COL4A4: variants seen among roughly 807,000 people sequenced by gnomAD.
COL4A4 encodes collagen type IV alpha 4 chain.
In COL4A4, 105 loss-of-function variants were observed where a neutral mutation model predicts 192.9. That is an observed-to-expected ratio of 0.54 (90% CI 0.46 to 0.64). The LOEUF (loss-of-function observed/expected upper bound fraction) is 0.64. Among genes scored for constraint, COL4A4 ranks in the 30% least tolerant of loss-of-function variants. The pLI is 0.00. For synonymous variants in COL4A4, 762 were observed against 769.9 expected (o/e 0.99, Z 0.17); for missense variants, 1,967 against 2,169.3 (o/e 0.91, Z 1.85).
At chr2:227,089,587 C>CGATATATATATATA (rs1284003513) in intron 21 of COL4A4, among the ~76,000 whole-genome samples, 1 of 62,098 alleles carries the variant, frequency 1.6e-5, no homozygotes, top group East Asian at 4.5e-4. Flanking sequence ...GGCAAATGTT[C>CGATATATATATATA]CATATATATA....
chr2:226,997,597 T>C, the COL4A4 span: 1 of 152,148 alleles, frequency 6.6e-6, no homozygotes, highest in South Asian at 2.1e-4. Flanking sequence ...GTATTAAGAG[T>C]CCAGTCACTG....
At chr2:226,997,743 G>C (rs142642955), downstream of COL4A4, 312 of 152,340 alleles carry the variant, frequency 2.0e-3, 2 homozygotes, top group African/African-American at 7.3e-3. Context: ...ACGCATGGCT[G>C]TTGATGGAGT....
intron 7 of COL4A4, among the ~76,000 whole-genome samples, chr2:227,116,997 A>G (rs1045220652): frequency 6.6e-6 from 1 of 152,264 alleles, no homozygotes; most frequent in African/African-American, 2.4e-5. Context: ...ATTACAGTAT[A>G]TTAAAGAAAT....
At chr2:227,018,161 T>G (rs971793233) in intron 44 of COL4A4, among the ~76,000 whole-genome samples, 1 of 152,146 alleles carries the variant, frequency 6.6e-6, no homozygotes, top group East Asian at 1.9e-4. Context: ...CTTGCTGGGG[T>G]CCTAGCTGTC....
intron 34 of COL4A4, 90 bp from the exon 35 acceptor site, chr2:227,047,639 C>A: frequency 2.5e-6 from 2 of 789,070 alleles, no homozygotes; most frequent in Non-Finnish European, 4.4e-6. Flanking sequence ...ATTTGTATAG[C>A]TTATCTTCAG....
the COL4A4 span, among the ~76,000 whole-genome samples, chr2:226,977,632 A>G: frequency 1.7e-3 from 255 of 152,322 alleles, no homozygotes; most frequent in African/African-American, 6.0e-3. Context: ...GAGAAGCATA[A>G]TAGTTGTCAT....
At chr2:226,989,992 C>G in the COL4A4 span, among the ~76,000 whole-genome samples, 2 of 152,294 alleles carry the variant, frequency 1.3e-5, no homozygotes, top group Middle Eastern at 6.8e-3. Flanking sequence ...CGAATGTTTT[C>G]TCTCTAAAGT....
intron 7 of COL4A4, among the ~76,000 whole-genome samples, chr2:227,115,500 C>T (rs944266361): frequency 1.3e-5 from 2 of 152,000 alleles, no homozygotes; most frequent in African/African-American, 2.4e-5. Flanking sequence ...TCTCAATCTC[C>T]TGACCTCGTG....
At chr2:226,993,344 C>T in the COL4A4 span, among the ~76,000 whole-genome samples, 1 of 152,206 alleles carries the variant, frequency 6.6e-6, no homozygotes, top group Non-Finnish European at 1.5e-5. Context: ...TGACTCTGCC[C>T]TCAGCTAGTT....
chr2:227,121,020 T>C lies in COL4A4; in HGVS notation c.321A>G (p.Gly107=). 6.2e-7 allele frequency: 1 copy of C among 1,614,090 alleles called. No individual in the cohort carries two copies. The change falls in exon 5 of 48, where the codon GGA becomes GGG. Residue 107 remains glycine (G), a synonymous_variant. Coordinates refer to ENST00000396625, the MANE Select transcript of COL4A4 (RefSeq NM_000092.5). The part of the protein sequence containing the change: ...RGPPGAAGDK[G]DKGPTGVPGF... ...CACATAAGATGTGGCTTACCTTATC[T>C]CCTTTGTCCCCTGCTGCTCCAGGAG...
At chr2:227,101,815 G>A in intron 16 of COL4A4, 50 bp downstream of exon 16, 1 of 1,346,926 alleles carries the variant, frequency 7.4e-7, no homozygotes, top group Non-Finnish European at 1.0e-6. Flanking sequence ...ATACTAAATT[G>A]CATTTACTAA....
At chr2:227,130,597 G>C (rs1301736241) in intron 4 of COL4A4, among the ~76,000 whole-genome samples, 2 of 152,110 alleles carry the variant, frequency 1.3e-5, no homozygotes, top group African/African-American at 4.8e-5. Context: ...GGCTGCCCTG[G>C]CTTCTTGTCA....
intron 28 of COL4A4, 52 bp from the exon 29 acceptor site, chr2:227,057,652 G>A (rs1278173699): frequency 1.9e-6 from 3 of 1,576,686 alleles, no homozygotes; most frequent in Non-Finnish European, 1.7e-6. Context: ...CTATACAGAT[G>A]GCCCATGATG....
chr2:226,970,199 T>C, the COL4A4 span, among the ~76,000 whole-genome samples: 1 of 151,982 alleles, frequency 6.6e-6, no homozygotes, highest in Non-Finnish European at 1.5e-5. Flanking sequence ...GAATTGAATG[T>C]ATTTTCCCCT....
chr2:227,052,426 T>C lies in COL4A4; in HGVS notation c.2861-14A>G. On this transcript the variant is annotated splice_polypyrimidine_tract_variant and intron_variant, in intron 31 of 47. Coordinates refer to ENST00000396625, the MANE Select transcript of COL4A4 (RefSeq NM_000092.5). ...GTCCTATGGCTCCTATGGATATTAA[T>C]TATGCAAGAACAAAATGAACAGGAA... The C allele has an allele frequency of 7.0e-7, 1 of 1,418,664 alleles. No homozygotes were observed. The highest frequency in any genetic ancestry group is 1.0e-6 in the Non-Finnish European group (1 of 1,002,174). 87.9% of individuals were successfully genotyped at this position (1,418,664 alleles called of 1,614,324 possible). A position where few individuals can be genotyped will look rare whatever the true frequency, so the allele number is the denominator to read the frequency against.
chr2:227,042,005 G>T, intron 37 of COL4A4, 143 bp downstream of exon 37: 1 of 718,868 alleles, frequency 1.4e-6, no homozygotes, highest in Non-Finnish European at 2.5e-6. Flanking sequence ...GGCTAAGGAA[G>T]AGTAGGAAGA....
At chr2:227,045,382 C>T (rs1365462132) in intron 35 of COL4A4, among the ~76,000 whole-genome samples, 1 of 152,078 alleles carries the variant, frequency 6.6e-6, no homozygotes, top group Non-Finnish European at 1.5e-5. Flanking sequence ...AGGCTTCTCA[C>T]TTTGATATTT....
chr2:227,117,101 C>T (rs968068409), intron 7 of COL4A4, among the ~76,000 whole-genome samples: 2 of 152,172 alleles, frequency 1.3e-5, no homozygotes, highest in Non-Finnish European at 2.9e-5. Flanking sequence ...ATTTTCTCAT[C>T]AGTTGATAAG....
Position 227,022,137 on chromosome 2 carries a change from G to C in COL4A4, c.4127C>G (p.Pro1376Arg), listed in dbSNP as rs1966127106. 6.2e-7 allele frequency: 1 copy of C among 1,614,058 alleles called. No homozygotes were observed. The change falls in exon 44 of 48, where the codon CCC becomes CGC. Residue 1376 changes from proline (P) to arginine (R), a missense_variant. Transcript: ENST00000396625. ...PGPPADVDDCPRIPGLPGAPG... is the reference protein window; with the variant it reads ...PGPPADVDDCRRIPGLPGAPG... ...CGCCCCAGGAAGGCCTGGGATTCGGGGACAGTCATCCACATCTGCAGGTGG... is the reference window on the plus strand; with the variant it reads ...CGCCCCAGGAAGGCCTGGGATTCGGCGACAGTCATCCACATCTGCAGGTGG...
Sources: allele counts gnomAD v4.1 joint callset (sites outside exome capture counted in the v4.1 genomes callset), GRCh38; gene constraint gnomAD v4.1.1; transcripts MANE v1.5; gene names NCBI Gene and HGNC (gene_info 2026-07-23, HGNC 2026-07-21).